Variants in CNTNAP5 observed in about 807,000 individuals in gnomAD.
CNTNAP5 encodes the protein contactin-associated protein-like 5.
Under a neutral mutation model 150.2 loss-of-function variants are expected in CNTNAP5, and 72 were observed. The ratio of observed to expected loss-of-function variants is 0.48; its 90% CI spans 0.40 to 0.58. CNTNAP5 has a LOEUF of 0.58. Ranked by LOEUF, CNTNAP5 falls within the 20% of genes least tolerant of loss-of-function variation. The pLI, the probability that CNTNAP5 is intolerant of heterozygous loss-of-function variation, is 0.00. For synonymous variants in CNTNAP5, 672 were observed against 619.8 expected (o/e 1.08, Z -1.25); for missense variants, 1,636 against 1,626.2 (o/e 1.01, Z -0.10).
chr2:124,230,839 T>C (rs1437560868), intron 2 of CNTNAP5, among the ~76,000 whole-genome samples: 1 of 152,158 alleles, frequency 6.6e-6, no homozygotes, highest in Admixed American at 6.5e-5. Flanking sequence ...GCCTCTAATG[T>C]GTTTTAAAAG....
At chr2:124,905,980 G>A (rs1678527887) in intron 22 of CNTNAP5, among the ~76,000 whole-genome samples, 1 of 152,124 alleles carries the variant, frequency 6.6e-6, no homozygotes, top group African/African-American at 2.4e-5. Context: ...TGATTGGTTT[G>A]TGTATAAAAT....
intron 3 of CNTNAP5, among the ~76,000 whole-genome samples, chr2:124,326,972 CTTTTTTT>C (rs1192969997): frequency 2.9e-5 from 2 of 68,514 alleles, no homozygotes; most frequent in Non-Finnish European, 5.9e-5. Context: ...TAGATCCTGA[CTTTTTTT>C]TTTTTTTTTT....
intron 3 of CNTNAP5, among the ~76,000 whole-genome samples, chr2:124,374,897 T>C (rs2104731068): frequency 6.6e-6 from 1 of 151,938 alleles, no homozygotes; most frequent in South Asian, 2.1e-4. Flanking sequence ...GACACAGAAG[T>C]CAAGCTAATA....
At chr2:124,771,933 CACT>C (rs1164999243) in intron 16 of CNTNAP5, among the ~76,000 whole-genome samples, 1 of 151,930 alleles carries the variant, frequency 6.6e-6, no homozygotes, top group Non-Finnish European at 1.5e-5. Context: ...TCACCACCAC[CACT>C]ATCACCACAA....
chr2:124,373,782 A>G (rs1349531921), intron 3 of CNTNAP5, among the ~76,000 whole-genome samples: 1 of 151,482 alleles, frequency 6.6e-6, no homozygotes, highest in African/African-American at 2.4e-5. Context: ...GAAGTTATTT[A>G]TTACAGTGTT....
chr2:124,287,723 C>A (rs922983178), intron 3 of CNTNAP5, among the ~76,000 whole-genome samples: 13 of 152,126 alleles, frequency 8.5e-5, no homozygotes, highest in African/African-American at 3.1e-4. Context: ...TTTCCCCAGT[C>A]AACTTTGTTT....
chr2:124,487,809 T>G (rs1573407678), intron 7 of CNTNAP5, among the ~76,000 whole-genome samples: 1 of 152,094 alleles, frequency 6.6e-6, no homozygotes, highest in African/African-American at 2.4e-5. Context: ...TTTTCCCCCA[T>G]GTTTTTACCC....
intron 13 of CNTNAP5, among the ~76,000 whole-genome samples, chr2:124,648,991 C>A (rs1020645619): frequency 2.0e-5 from 3 of 152,198 alleles, no homozygotes; most frequent in Non-Finnish European, 4.4e-5. Context: ...GATCTAGGAT[C>A]TTCAGGGAAG....
At chr2:124,303,083 C>A (rs1239364286) in intron 3 of CNTNAP5, among the ~76,000 whole-genome samples, 5 of 152,128 alleles carry the variant, frequency 3.3e-5, no homozygotes, top group Non-Finnish European at 5.9e-5. Flanking sequence ...TGCAGTCCCC[C>A]CTTAAATTGT....
chr2:124,238,187 G>A (rs1027955023), intron 2 of CNTNAP5, among the ~76,000 whole-genome samples: 3 of 152,152 alleles, frequency 2.0e-5, no homozygotes, highest in East Asian at 3.9e-4. Flanking sequence ...TTGAGAGGCC[G>A]CTTGTAGCCC....
intron 7 of CNTNAP5, among the ~76,000 whole-genome samples, chr2:124,482,424 T>C (rs572991739): frequency 7.9e-5 from 12 of 152,196 alleles, no homozygotes; most frequent in Admixed American, 6.5e-5. Flanking sequence ...CCTCCTCTTA[T>C]GGAAAGCAAT....
intron 1 of CNTNAP5, among the ~76,000 whole-genome samples, chr2:124,117,634 G>T (rs1235212502): frequency 1.3e-5 from 2 of 152,094 alleles, no homozygotes; most frequent in East Asian, 3.9e-4. Flanking sequence ...AGTAAAAAAA[G>T]CCTTGTTCAG....
intron 13 of CNTNAP5, among the ~76,000 whole-genome samples, chr2:124,668,684 G>A (rs188986162): frequency 3.5e-4 from 53 of 152,218 alleles, no homozygotes; most frequent in Non-Finnish European, 7.6e-4. Context: ...GTTATAAAAA[G>A]GTATACCATT....
intron 10 of CNTNAP5, among the ~76,000 whole-genome samples, chr2:124,539,997 T>G (rs559728050): frequency 6.6e-6 from 1 of 152,150 alleles, no homozygotes; most frequent in Non-Finnish European, 1.5e-5. Context: ...GCAGTAGATA[T>G]CTCAACACCT....
At chr2:124,143,660 C>G (rs1197167581) in intron 1 of CNTNAP5, among the ~76,000 whole-genome samples, 197 of 116,856 alleles carry the variant, frequency 1.7e-3, no homozygotes, top group Non-Finnish European at 2.6e-3. Flanking sequence ...TAAGAGCTAT[C>G]TATGACAAAC....
intron 1 of CNTNAP5, among the ~76,000 whole-genome samples, chr2:124,207,859 T>C (rs541806892): frequency 6.6e-6 from 1 of 152,226 alleles, no homozygotes; most frequent in Non-Finnish European, 1.5e-5. Context: ...TTGCAAACTC[T>C]AAATACAACT....
intron 17 of CNTNAP5, among the ~76,000 whole-genome samples, chr2:124,785,022 G>A (rs1203997296): frequency 7.8e-5 from 10 of 128,618 alleles, no homozygotes; most frequent in Admixed American, 1.9e-4. Context: ...TCCTCAAAGA[G>A]CTCAGAGATT....
intron 13 of CNTNAP5, among the ~76,000 whole-genome samples, chr2:124,706,791 GA>G (rs1679655390): frequency 0.012 from 377 of 30,812 alleles, no homozygotes; most frequent in Non-Finnish European, 0.019. Flanking sequence ...AGAAGAAGAA[GA>G]AGAAGGAGGA....
chr2:124,393,818 T>C (rs539972074), intron 3 of CNTNAP5, among the ~76,000 whole-genome samples: 23 of 152,346 alleles, frequency 1.5e-4, no homozygotes, highest in African/African-American at 5.1e-4. Flanking sequence ...GATATGGTTT[T>C]ACTTTGGTAA....
Sources: allele counts gnomAD v4.1 joint callset (sites outside exome capture counted in the v4.1 genomes callset), GRCh38; gene constraint gnomAD v4.1.1; transcripts MANE v1.5; gene names NCBI Gene and HGNC (gene_info 2026-07-23, HGNC 2026-07-21).